The following LSM12 variants were observed in gnomAD, a reference collection of about 807,000 sequenced individuals.
The protein encoded by LSM12 is LSM12 homolog.
For synonymous variants in LSM12, 74 were observed against 87.3 expected (o/e 0.85, Z 0.85); for missense variants, 108 against 238.9 (o/e 0.45, Z 3.61).
intron 2 of LSM12, among the ~76,000 whole-genome samples, chr17:44,053,988 C>T (rs1032833025): frequency 1.2e-4 from 19 of 152,280 alleles, no homozygotes; most frequent in African/African-American, 4.3e-4. Context: ...ACTGTCTCCA[C>T]GTCAAGGGTA....
intron 2 of LSM12, among the ~76,000 whole-genome samples, chr17:44,059,553 A>T (rs2049768256): frequency 6.6e-6 from 1 of 152,092 alleles, no homozygotes; most frequent in Non-Finnish European, 1.5e-5. Context: ...CCCTGTCTCA[A>T]AAAAAAGAAT....
At position 44,036,196 on chromosome 17, in the gene LSM12, A is replaced by G. The variant is rs1175173872; in HGVS notation, c.*12T>C. On this transcript the variant is annotated 3_prime_UTR_variant, in exon 5 of 5. Transcript: ENST00000293406. ...TGGCTGGATGCTGGAAGAGTCCTCC[A>G]TGTGTACGGACTCAGGATGACAGGG... The G allele has an allele frequency of 6.2e-7, 1 of 1,609,460 alleles. No individual in the cohort carries two copies. The highest frequency in any genetic ancestry group is 1.4e-5 in the African/African-American group (1 of 73,948).
chr17:44,049,434 C>T (rs1179852163), intron 2 of LSM12, among the ~76,000 whole-genome samples: 1 of 152,066 alleles, frequency 6.6e-6, no homozygotes, highest in Admixed American at 6.6e-5. Flanking sequence ...TGCGCCACCA[C>T]ACCCAGCTAC....
At chr17:44,054,386 A>T (rs2049683714) in intron 2 of LSM12, among the ~76,000 whole-genome samples, 1 of 152,130 alleles carries the variant, frequency 6.6e-6, no homozygotes, top group African/African-American at 2.4e-5. Flanking sequence ...ACTACAGCTC[A>T]CTGCAGCCTT....
intron 2 of LSM12, among the ~76,000 whole-genome samples, chr17:44,056,057 CG>C (rs2049709432): frequency 6.6e-6 from 1 of 151,294 alleles, no homozygotes; most frequent in African/African-American, 2.4e-5. Context: ...CACCTGAGGT[CG>C]GGAGTTCAAG....
intron 2 of LSM12, among the ~76,000 whole-genome samples, chr17:44,042,788 C>T (rs1467101876): frequency 6.6e-6 from 1 of 152,200 alleles, no homozygotes; most frequent in Admixed American, 6.5e-5. Context: ...AGGATGGTCT[C>T]GATCTCCTGA....
chr17:44,061,767 A>T (rs2049798382), intron 2 of LSM12, among the ~76,000 whole-genome samples: 1 of 152,178 alleles, frequency 6.6e-6, no homozygotes, highest in South Asian at 2.1e-4. Flanking sequence ...AATTCAAGAG[A>T]CTTAATGAAA....
At chr17:44,043,563 TTTG>T (rs1229709119) in intron 2 of LSM12, among the ~76,000 whole-genome samples, 1 of 151,426 alleles carries the variant, frequency 6.6e-6, no homozygotes, top group East Asian at 1.9e-4. Flanking sequence ...TTTTTTTTTT[TTTG>T]AGATGGAGTC....
intron 1 of LSM12, among the ~76,000 whole-genome samples, chr17:44,065,865 C>T (rs1045794983): frequency 1.3e-5 from 2 of 152,014 alleles, no homozygotes; most frequent in African/African-American, 4.8e-5. Context: ...CAGCACAGCC[C>T]CCCCACCACA....
chr17:44,058,669 A>G lies in LSM12; in HGVS notation c.258+5132T>C, dbSNP rs532141052. ...AACATGGTGAAACCCCATCTCTACTAAAGATACAAAAAATTAGCCAGGCAT... is the reference window on the plus strand; with the variant it reads ...AACATGGTGAAACCCCATCTCTACTGAAGATACAAAAAATTAGCCAGGCAT... On this transcript the variant is annotated intron_variant, in intron 2 of 4. Coordinates refer to ENST00000293406, the MANE Select transcript of LSM12 (RefSeq NM_001371445.1). Among the ~76,000 whole-genome samples, 320 of 152,184 alleles carry G rather than the reference A, an allele frequency of 2.1e-3. 2 individuals are homozygous for G. Among genetic ancestry groups the G allele is most frequent in the Non-Finnish European group, 3.3e-3 (224 of 67,998 alleles).
intron 2 of LSM12, among the ~76,000 whole-genome samples, chr17:44,059,625 T>C (rs1241570351): frequency 6.6e-6 from 1 of 152,176 alleles, no homozygotes; most frequent in Non-Finnish European, 1.5e-5. Context: ...CTGCTGGAGA[T>C]AGAAATAAGA....
At chr17:44,037,846 T>G (rs1217305856) in intron 3 of LSM12, among the ~76,000 whole-genome samples, 2 of 152,224 alleles carry the variant, frequency 1.3e-5, no homozygotes, top group Non-Finnish European at 2.9e-5. Context: ...GATAGCAGCC[T>G]AGGGCAGAGG....
intron 2 of LSM12, among the ~76,000 whole-genome samples, chr17:44,041,251 A>G (rs2049483239): frequency 7.6e-6 from 1 of 132,216 alleles, no homozygotes; most frequent in African/African-American, 2.8e-5. Context: ...AGCCTGGGCA[A>G]AGAAGTGAGA....
At chr17:44,064,442 A>C (rs1179242745) in intron 1 of LSM12, among the ~76,000 whole-genome samples, 2 of 152,206 alleles carry the variant, frequency 1.3e-5, no homozygotes, top group African/African-American at 4.8e-5. Context: ...AAAGTTGAGT[A>C]ATTCAGCCAG....
chr17:44,045,392 G>C (rs532455201), intron 2 of LSM12, among the ~76,000 whole-genome samples: 1 of 152,178 alleles, frequency 6.6e-6, no homozygotes, highest in African/African-American at 2.4e-5. Context: ...ACAATGTGTT[G>C]ACTTACGTCT....
chr17:44,042,963 A>C (rs967542109), intron 2 of LSM12, among the ~76,000 whole-genome samples: 19 of 152,140 alleles, frequency 1.2e-4, no homozygotes, highest in Admixed American at 9.8e-4. Flanking sequence ...TCAGCCTCCC[A>C]AAGTGCTGGT....
At chr17:44,051,553 G>A (rs998201447) in intron 2 of LSM12, among the ~76,000 whole-genome samples, 4 of 151,880 alleles carry the variant, frequency 2.6e-5, no homozygotes, top group African/African-American at 4.8e-5. Context: ...ACCCTATCTC[G>A]GGGAGGGGGA....
At position 44,036,202 on chromosome 17, in the gene LSM12, A is replaced by T. The variant is rs2049413759; in HGVS notation, c.*6T>A. 1 of 1,610,334 alleles carries T rather than the reference A, an allele frequency of 6.2e-7. No individual in the cohort carries two copies. Among genetic ancestry groups the T allele is most frequent in the African/African-American group, 1.3e-5 (1 of 74,218 alleles). ...GATGCTGGAAGAGTCCTCCATGTGT[A>T]CGGACTCAGGATGACAGGGCAGCCT... On this transcript the variant is annotated 3_prime_UTR_variant, in exon 5 of 5. Coordinates refer to ENST00000293406, the MANE Select transcript of LSM12 (RefSeq NM_001371445.1).
chr17:44,038,355 CAAAAA>C (rs767523063), intron 3 of LSM12, among the ~76,000 whole-genome samples: 6 of 61,818 alleles, frequency 9.7e-5, no homozygotes, highest in Admixed American at 1.9e-4. Flanking sequence ...GACCCTGTCT[CAAAAA>C]AAAAAAAAAA....
Sources: allele counts gnomAD v4.1 joint callset (sites outside exome capture counted in the v4.1 genomes callset), GRCh38; gene constraint gnomAD v4.1.1; transcripts MANE v1.5; gene names NCBI Gene and HGNC (gene_info 2026-07-23, HGNC 2026-07-21).